Variants in DMGDH observed in about 807,000 individuals in gnomAD.
DMGDH encodes dimethylglycine dehydrogenase, mitochondrial.
In DMGDH, 76 loss-of-function variants were observed where a neutral mutation model predicts 95.2. The observed-to-expected ratio is 0.80, with a 90% CI of 0.66 to 0.97. The LOEUF (loss-of-function observed/expected upper bound fraction) is 0.97. DMGDH is among the 50% of genes least tolerant of loss of function. The probability of loss-of-function intolerance (pLI) is 0.00; values close to 1 mark genes in which losing one functional copy is unlikely to be tolerated. For synonymous variants in DMGDH, 345 were observed against 377.6 expected, an observed-to-expected ratio of 0.91 and a Z score of 1.00; for missense variants, 987 against 1,055.0, an observed-to-expected ratio of 0.94 and a Z score of 0.89.
intron 13 of DMGDH, 110 bp from the exon 14 acceptor site, chr5:79,024,440 G>T: frequency 1.8e-6 from 2 of 1,093,762 alleles, no homozygotes; most frequent in Non-Finnish European, 2.8e-6. Flanking sequence ...TTTCAACACA[G>T]ATTCTAAAGA....
At chr5:79,003,496 A>C (rs546006987) in intron 15 of DMGDH, among the ~76,000 whole-genome samples, 4 of 152,342 alleles carry the variant, frequency 2.6e-5, no homozygotes, top group African/African-American at 9.6e-5. Context: ...CAGTTCAAAC[A>C]GAAGAGCAAA....
chr5:79,006,083 A>T (rs1016860078), intron 14 of DMGDH, among the ~76,000 whole-genome samples: 30 of 150,408 alleles, frequency 2.0e-4, no homozygotes, highest in African/African-American at 6.4e-4. Context: ...TCCGTGCAAC[A>T]CATGACAGAT....
chr5:79,033,874 G>A (rs907160357), intron 7 of DMGDH, among the ~76,000 whole-genome samples: 3 of 152,206 alleles, frequency 2.0e-5, no homozygotes. Context: ...AGAGGCTGCA[G>A]TGAGCCATAT....
Position 79,005,559 on chromosome 5 carries a change from C to A in DMGDH, c.2251-152G>T, listed in dbSNP as rs1376264350. ...GGATCATATGTCTAGACAAATATTT[C>A]TTAGTCCTCAAATGAGAGTATCAGC... On this transcript the variant is annotated intron_variant, in intron 14 of 15. Transcript: ENST00000255189. The A allele has an allele frequency of 3.6e-6, 4 of 1,124,064 alleles. No homozygotes were observed. The African/African-American group carries it at 6.2e-5, about 17-fold the overall frequency. The allele number at this position is 1,124,064 out of a possible 1,614,324, so 69.6% of individuals were successfully genotyped here.
chr5:79,026,613 C>A, intron 12 of DMGDH, 32 bp from the exon 13 acceptor site: 1 of 1,613,830 alleles, frequency 6.2e-7, no homozygotes, highest in East Asian at 2.2e-5. Flanking sequence ...CACAGCAGGG[C>A]AAGAACAATG....
At chr5:79,001,054 C>T in intron 15 of DMGDH, 1 of 674,894 alleles carries the variant, frequency 1.5e-6, no homozygotes, top group Admixed American at 2.3e-5. Context: ...TCCTCGCCAT[C>T]AATGGCTACC....
intron 14 of DMGDH, among the ~76,000 whole-genome samples, chr5:79,019,493 G>A (rs945443025): frequency 1.3e-5 from 2 of 151,978 alleles, no homozygotes; most frequent in African/African-American, 4.8e-5. Flanking sequence ...GCTTTAAAAA[G>A]GAACCATGGA....
rs531982 is a variant in DMGDH, at chr5:79,044,588, T to C, written c.746-36A>G. 805,164 of 1,609,258 alleles carry C rather than the reference T, an allele frequency of 0.5. 203,977 individuals are homozygous for C. Among genetic ancestry groups the C allele is most frequent in the East Asian group, 0.61 (27,391 of 44,784 alleles). On this transcript the variant is annotated intron_variant, in intron 5 of 15. Coordinates refer to ENST00000255189, the MANE Select transcript of DMGDH (RefSeq NM_013391.3). ...AAAATCATTTAAAAGTGTCAGCCCA[T>C]ATATAAACACATAACTGACACTCAT...
chr5:79,038,840 A>T (rs1032947250), intron 7 of DMGDH, among the ~76,000 whole-genome samples: 15 of 152,174 alleles, frequency 9.9e-5, no homozygotes, highest in Admixed American at 5.2e-4. Context: ...GAATCTACAA[A>T]GAACTCAAAC....
intron 1 of DMGDH, among the ~76,000 whole-genome samples, chr5:79,066,586 G>A (rs893329754): frequency 3.3e-5 from 5 of 151,922 alleles, no homozygotes; most frequent in Non-Finnish European, 5.9e-5. Context: ...GAGCCACCAC[G>A]CCCGGCCAGT....
chr5:79,032,689 G>C lies in DMGDH; in HGVS notation c.1515C>G (p.Tyr505Ter). 6.2e-7 allele frequency: 1 copy of C among 1,614,102 alleles called. No individual in the cohort carries two copies. Among genetic ancestry groups the C allele is most frequent in the South Asian group, 1.1e-5 (1 of 91,078 alleles). The change falls in exon 9 of 16, where the codon TAC (tyrosine) becomes TAG (stop). Residue 505 changes from tyrosine (Y) to a stop codon, truncating the protein, a stop_gained and splice_region_variant. Coordinates refer to ENST00000255189, the MANE Select transcript of DMGDH (RefSeq NM_013391.3). LOFTEE classifies it high-confidence loss of function. ...GGCAGGTAAAGTCCTTCTCCCACCT[G>C]TACTGAGTGTCCTGGCCTGGTTTGT... is the stretch of plus-strand genomic sequence containing the variant. ...WFYKPGQDTQ[Y>*]RPSFRRTNWF... is the part of the protein sequence containing the mutation.
At chr5:79,013,888 G>T (rs369845431) in intron 14 of DMGDH, among the ~76,000 whole-genome samples, 1 of 152,134 alleles carries the variant, frequency 6.6e-6, no homozygotes. Context: ...TCATTCATGA[G>T]AAACCACCCC....
chr5:79,033,375 T>C lies in DMGDH; in HGVS notation c.1227A>G (p.Lys409=). 6.2e-7 allele frequency: 1 copy of C among 1,614,184 alleles called. No individual in the cohort carries two copies. Residue 409 remains lysine, a synonymous_variant, in exon 8 of 16, where the codon AAA becomes AAG. Coordinates refer to ENST00000255189, the MANE Select transcript of DMGDH (RefSeq NM_013391.3). The stretch of plus-strand genomic sequence containing the variant: ...CATGCAGGATCCAGTCACTGAGATA[T>C]TTCCCTACCCCACCAGCGTGGATTA... ...YGIIHAGGVG[K]YLSDWILHGE... is the part of the protein sequence containing the mutation.
intron 5 of DMGDH, 22 bp from the exon 6 acceptor site, chr5:79,044,574 A>G (rs1754615964): frequency 1.2e-6 from 2 of 1,613,262 alleles, no homozygotes; most frequent in East Asian, 2.2e-5. Flanking sequence ...AAATCATTTA[A>G]AAGTGTCAGC....
chr5:79,036,239 T>A (rs1580206908), intron 7 of DMGDH, among the ~76,000 whole-genome samples: 1 of 152,300 alleles, frequency 6.6e-6, no homozygotes, highest in East Asian at 1.9e-4. Flanking sequence ...AGGATTTTAA[T>A]AAGGAAGTAA....
At chr5:79,027,189 T>C (rs894140058) in intron 12 of DMGDH, among the ~76,000 whole-genome samples, 1 of 152,152 alleles carries the variant, frequency 6.6e-6, no homozygotes, top group East Asian at 1.9e-4. Flanking sequence ...TTTGTTTTTT[T>C]GTCTTGTTTT....
intron 14 of DMGDH, among the ~76,000 whole-genome samples, chr5:79,019,789 G>A (rs1004111993): frequency 2.0e-5 from 3 of 152,162 alleles, no homozygotes; most frequent in African/African-American, 7.2e-5. Context: ...GGAGGCTGAG[G>A]CAAGAAAATT....
At chr5:79,010,206 C>A (rs942173521) in intron 14 of DMGDH, among the ~76,000 whole-genome samples, 1 of 152,002 alleles carries the variant, frequency 6.6e-6, no homozygotes, top group African/African-American at 2.4e-5. Context: ...ATTAAAGGAA[C>A]CATATTACCT....
At chr5:79,017,948 T>A (rs1199058834) in intron 14 of DMGDH, among the ~76,000 whole-genome samples, 1 of 152,200 alleles carries the variant, frequency 6.6e-6, no homozygotes, top group Non-Finnish European at 1.5e-5. Flanking sequence ...TTATTTGTAA[T>A]AGCCCTAAAC....
Sources: allele counts gnomAD v4.1 joint callset (sites outside exome capture counted in the v4.1 genomes callset), GRCh38; gene constraint gnomAD v4.1.1; transcripts MANE v1.5; gene names NCBI Gene and HGNC (gene_info 2026-07-23, HGNC 2026-07-21).